Variants in CALU observed in about 807,000 individuals in gnomAD.
CALU encodes the protein IEF SSP 9302.
In CALU, 13 loss-of-function variants were observed where a neutral mutation model predicts 37.5. The observed-to-expected ratio is 0.35, with a 90% CI of 0.23 to 0.55. The LOEUF is 0.55. Ranked by LOEUF, CALU falls within the 20% of genes least tolerant of loss-of-function variation. CALU has a pLI of 0.89. For synonymous variants in CALU, 114 were observed against 133.8 expected, an observed-to-expected ratio of 0.85 and a Z score of 1.02; for missense variants, 282 against 391.7, an observed-to-expected ratio of 0.72 and a Z score of 2.36.
At chr7:128,739,480 CG>C in intron 1 of CALU, 48 bp downstream of exon 1, 1 of 152,792 alleles carries the variant, frequency 6.5e-6, no homozygotes, top group South Asian at 2.1e-4. Flanking sequence ...CATCTTTATT[CG>C]CTTTCTTTCT....
chr7:128,764,235 C>G (rs528949112), intron 5 of CALU, among the ~76,000 whole-genome samples: 7 of 152,012 alleles, frequency 4.6e-5, no homozygotes, highest in East Asian at 1.9e-4. Context: ...TGAGAACAAC[C>G]TGGACAACAT....
In CALU at chr7:128,771,892, A is replaced by C. The variant is rs557953115; in HGVS notation, c.*2725A>C. The C allele has an allele frequency of 1.2e-4, 19 of 152,702 alleles. No individual in the cohort carries two copies. Among genetic ancestry groups the C allele is most frequent in the African/African-American group, 4.1e-4 (17 of 41,588 alleles). 9.5% of individuals were successfully genotyped at this position (152,702 alleles called of 1,614,324 possible). On this transcript the variant is annotated 3_prime_UTR_variant, in exon 7 of 7. Coordinates refer to ENST00000249364, the MANE Select transcript of CALU (RefSeq NM_001219.5). ...GAGAATTAAACTATTAACTTTAGTA[A>C]ACACACAGTTTAAGACAAATATAAA...
intron 5 of CALU, among the ~76,000 whole-genome samples, chr7:128,765,680 T>G (rs1224766478): frequency 2.6e-5 from 4 of 152,234 alleles, no homozygotes; most frequent in African/African-American, 7.2e-5. Context: ...AAAATAACAT[T>G]TATTACAGAC....
chr7:128,752,161 A>C (rs1800699849), intron 2 of CALU, among the ~76,000 whole-genome samples: 1 of 152,162 alleles, frequency 6.6e-6, no homozygotes, highest in Non-Finnish European at 1.5e-5. Context: ...ACACACACAC[A>C]CACACCATAC....
At chr7:128,742,358 T>C (rs566481828) in intron 1 of CALU, among the ~76,000 whole-genome samples, 1 of 152,310 alleles carries the variant, frequency 6.6e-6, no homozygotes, top group South Asian at 2.1e-4. Flanking sequence ...ATAAATGCCT[T>C]TTCTGGTGAA....
intron 1 of CALU, chr7:128,748,156 A>G (rs1800518689): frequency 4.2e-6 from 2 of 478,838 alleles, no homozygotes; most frequent in Non-Finnish European, 7.3e-6. Context: ...GATGATTCTA[A>G]TAACCAGCCA....
chr7:128,768,865 A>AAAAAAAAAAAAAAAC (rs1182808052), intron 6 of CALU, among the ~76,000 whole-genome samples, 198 bp from the exon 7 acceptor site: 1 of 150,902 alleles, frequency 6.6e-6, no homozygotes, highest in Non-Finnish European at 1.5e-5. Context: ...AAAAAAAAAA[A>AAAAAAAAAAAAAAAC]AAACAAGGAA....
At chr7:128,761,269 T>C (rs1222642272) in intron 5 of CALU, 1 of 152,114 alleles carries the variant, frequency 6.6e-6, no homozygotes, top group Admixed American at 6.6e-5. Flanking sequence ...AAAAAAGCTG[T>C]CTTTCTTACC....
chr7:128,769,379 G>T lies in CALU; in HGVS notation c.*212G>T. On this transcript the variant is annotated 3_prime_UTR_variant, in exon 7 of 7. Transcript: ENST00000249364. ...GAACAACTCTAATTAGTACACTTGT[G>T]TTTGTAGATTTACACTTTGTATTAT... 2.5e-6 allele frequency: 1 copy of T among 407,528 alleles called. No homozygotes were observed. Among genetic ancestry groups the T allele is most frequent in the South Asian group, 4.0e-5 (1 of 24,968 alleles). 25.2% of individuals were successfully genotyped at this position (407,528 alleles called of 1,614,324 possible). A position where few individuals can be genotyped will look rare whatever the true frequency, so the allele number is the denominator to read the frequency against.
At chr7:128,746,719 T>A (rs1419097699) in intron 1 of CALU, among the ~76,000 whole-genome samples, 1 of 151,716 alleles carries the variant, frequency 6.6e-6, no homozygotes. Context: ...CCCAAAGTCT[T>A]GGGATTACAG....
chr7:128,747,773 C>T (rs186284913), intron 1 of CALU: 1 of 152,450 alleles, frequency 6.6e-6, no homozygotes, highest in East Asian at 1.9e-4. Context: ...AGTGTTCCAG[C>T]TTTGTGCTTG....
intron 3 of CALU, among the ~76,000 whole-genome samples, chr7:128,755,957 C>T (rs73236100): frequency 0.06 from 9,125 of 152,278 alleles, 317 homozygotes; most frequent in Non-Finnish European, 0.069. Context: ...AATTACAGGA[C>T]TGCATGCATT....
chr7:128,747,348 T>G (rs1800486202), intron 1 of CALU, among the ~76,000 whole-genome samples: 1 of 152,192 alleles, frequency 6.6e-6, no homozygotes, highest in Non-Finnish European at 1.5e-5. Flanking sequence ...TCACATTGCT[T>G]CTTCTGATGG....
chr7:128,768,801 C>CGCG (rs1183562591), intron 6 of CALU, among the ~76,000 whole-genome samples: 1 of 139,570 alleles, frequency 7.2e-6, no homozygotes, highest in African/African-American at 2.8e-5. Flanking sequence ...GAGCTGAGAT[C>CGCG]GCGCCATTGC....
intron 2 of CALU, among the ~76,000 whole-genome samples, chr7:128,750,220 C>CAAAAAAA (rs398006225): frequency 9.6e-4 from 72 of 74,746 alleles, no homozygotes; most frequent in East Asian, 3.3e-3. Context: ...AGAGCCATCT[C>CAAAAAAA]AAAAAAAAAA....
Position 128,768,779 on chromosome 7 carries a change from G to C in CALU, c.844-284G>C, listed in dbSNP as rs138390069. On this transcript the variant is annotated intron_variant, in intron 6 of 6. Coordinates refer to ENST00000249364, the MANE Select transcript of CALU (RefSeq NM_001219.5). Reference sequence around the variant, plus strand: ...CTTAAATCACTTTAACACGGGAGGCGGAGGTTGCGGTGAGCTGAGATCGCG... The same window carrying C: ...CTTAAATCACTTTAACACGGGAGGCCGAGGTTGCGGTGAGCTGAGATCGCG... 3.7e-3 allele frequency among the ~76,000 whole-genome samples: 543 copies of C among 147,914 alleles called. 4 individuals are homozygous for C. Among genetic ancestry groups the C allele is most frequent in the Middle Eastern group, 7.0e-3 (2 of 284 alleles).
Position 128,769,133 on chromosome 7 carries a change from T to A in CALU, c.914T>A (p.Phe305Tyr). 6.2e-7 allele frequency: 1 copy of A among 1,611,334 alleles called. No homozygotes were observed. The highest frequency in any genetic ancestry group is 8.5e-7 in the Non-Finnish European group (1 of 1,177,524). Residue 305 changes from phenylalanine (F) to tyrosine (Y), a missense_variant, in exon 7 of 7, where the codon TTT (phenylalanine) becomes TAT (tyrosine). Transcript: ENST00000249364. ...DLFVGSQATD[F>Y]GEALVRHDEF ...TTTGTTGGCAGCCAGGCCACAGATT[T>A]TGGGGAGGCCTTAGTACGGCATGAT...
At chr7:128,765,935 A>T (rs1801310217) in intron 5 of CALU, among the ~76,000 whole-genome samples, 1 of 152,164 alleles carries the variant, frequency 6.6e-6, no homozygotes, top group African/African-American at 2.4e-5. Context: ...GCCAGAAATC[A>T]TGTAATCTAT....
chr7:128,751,255 T>A (rs1800661189), intron 2 of CALU, among the ~76,000 whole-genome samples: 1 of 142,704 alleles, frequency 7.0e-6, no homozygotes, highest in East Asian at 2.0e-4. Context: ...ACCACTGCAC[T>A]CCAGCCTGGC....
Sources: gnomAD v4.1 joint callset for allele counts (sites outside exome capture counted in the v4.1 genomes callset) on GRCh38, gnomAD v4.1.1 for gene constraint, MANE v1.5 for transcripts, NCBI Gene and HGNC (gene_info 2026-07-23, HGNC 2026-07-21) for gene names.